Variants in SMG6 observed in about 807,000 individuals in gnomAD.
The protein encoded by SMG6 is telomerase-binding protein EST1A.
Under a neutral mutation model 142.2 loss-of-function variants are expected in SMG6, and 66 were observed. That is an observed-to-expected ratio of 0.46 (90% CI 0.38 to 0.57). SMG6 has a LOEUF of 0.57. SMG6 is among the 20% of genes least tolerant of loss of function. SMG6 has a pLI of 0.00. For synonymous variants in SMG6, 779 were observed against 702.4 expected (o/e 1.11, Z -1.72); for missense variants, 1,793 against 1,832.0 (o/e 0.98, Z 0.39).
At chr17:2,107,389 C>T (rs1339746248) in intron 13 of SMG6, among the ~76,000 whole-genome samples, 1 of 152,194 alleles carries the variant, frequency 6.6e-6, no homozygotes, top group Non-Finnish European at 1.5e-5. Flanking sequence ...CTACGAAGTA[C>T]TATGTCTTCT....
intron 13 of SMG6, among the ~76,000 whole-genome samples, chr17:2,142,888 C>CAA (rs1164289108): frequency 2.4e-3 from 128 of 52,338 alleles, no homozygotes; most frequent in Non-Finnish European, 3.2e-3. Flanking sequence ...AACACTGTCT[C>CAA]AAAAAAAAAA....
intron 9 of SMG6, chr17:2,240,132 C>T (rs1360682695): frequency 6.6e-6 from 1 of 152,222 alleles, no homozygotes; most frequent in Non-Finnish European, 1.5e-5. Context: ...TCCTTTAAAA[C>T]CTCAGAAGAT....
chr17:2,139,917 G>A (rs1307748651), intron 13 of SMG6, among the ~76,000 whole-genome samples: 1 of 151,858 alleles, frequency 6.6e-6, no homozygotes, highest in East Asian at 1.9e-4. Context: ...GTAGAGATGG[G>A]ATTTCACCAT....
At chr17:2,189,845 A>C (rs184106295) in intron 10 of SMG6, among the ~76,000 whole-genome samples, 80 of 147,174 alleles carry the variant, frequency 5.4e-4, no homozygotes, top group African/African-American at 2.2e-3. Flanking sequence ...AACGAATAGC[A>C]TCCAGGGTAG....
At chr17:2,133,389 T>G (rs2070188618) in intron 13 of SMG6, among the ~76,000 whole-genome samples, 1 of 152,200 alleles carries the variant, frequency 6.6e-6, no homozygotes, top group South Asian at 2.1e-4. Flanking sequence ...AATGGCAGCC[T>G]TCATAACAAG....
At chr17:2,072,957 C>T (rs2068146895) in intron 15 of SMG6, 1 of 152,216 alleles carries the variant, frequency 6.6e-6, no homozygotes, top group South Asian at 2.1e-4. Flanking sequence ...TCCTTTCTTC[C>T]TTCCTAACTC....
intron 8 of SMG6, among the ~76,000 whole-genome samples, chr17:2,261,313 CA>C (rs58928595): frequency 0.46 from 61,183 of 134,124 alleles, 13,416 homozygotes; most frequent in African/African-American, 0.62. Context: ...GACTCCGTCT[CA>C]AAAAAAAAAA....
In SMG6 at chr17:2,138,353, T is replaced by C. The variant is rs188470558; in HGVS notation, c.3357+34305A>G. On this transcript the variant is annotated intron_variant, in intron 13 of 18. Coordinates refer to ENST00000263073, the MANE Select transcript of SMG6 (RefSeq NM_017575.5). ...CTACAGGAAGTTTATCCCTGACATC[T>C]AAATAGTCATGTTTTAAAATCAACA... 1.9e-3 allele frequency among the ~76,000 whole-genome samples: 289 copies of C among 152,278 alleles called. 2 individuals are homozygous for C. The highest frequency in any genetic ancestry group is 5.9e-3 in the African/African-American group (245 of 41,566).
intron 2 of SMG6, 29 bp downstream of exon 2, chr17:2,298,877 C>G: frequency 6.3e-7 from 1 of 1,580,758 alleles, no homozygotes; most frequent in Non-Finnish European, 8.6e-7. Context: ...ATCCCCATTT[C>G]CCTCCAGCCA....
At chr17:2,278,907 T>C (rs775067074) in intron 8 of SMG6, among the ~76,000 whole-genome samples, 4 of 152,224 alleles carry the variant, frequency 2.6e-5, no homozygotes, top group Non-Finnish European at 4.4e-5. Flanking sequence ...TTCTCTAGCC[T>C]CATCCCTCGC....
At chr17:2,080,585 G>A (rs890352204) in intron 15 of SMG6, among the ~76,000 whole-genome samples, 1 of 152,004 alleles carries the variant, frequency 6.6e-6, no homozygotes, top group Non-Finnish European at 1.5e-5. Flanking sequence ...ACTGTCTCGT[G>A]TAGGCCTCAC....
At chr17:2,109,043 A>G (rs2069234708) in intron 13 of SMG6, among the ~76,000 whole-genome samples, 1 of 152,248 alleles carries the variant, frequency 6.6e-6, no homozygotes, top group South Asian at 2.1e-4. Flanking sequence ...CCCCAGAGAC[A>G]ATACATTAAT....
intron 13 of SMG6, chr17:2,117,477 A>G (rs1431544454): frequency 6.6e-6 from 1 of 152,214 alleles, no homozygotes. Context: ...ACATCAATAT[A>G]CAAAAGTCAA....
At chr17:2,289,408 T>C (rs2151390039) in intron 6 of SMG6, among the ~76,000 whole-genome samples, 1 of 151,684 alleles carries the variant, frequency 6.6e-6, no homozygotes, top group East Asian at 1.9e-4. Flanking sequence ...AATCAAAATA[T>C]TACCTGGGTA....
chr17:2,230,319 AAAAAAAAAAAAAAAAAAG>A (rs777587360), intron 10 of SMG6, among the ~76,000 whole-genome samples: 3,250 of 119,888 alleles, frequency 0.027, 201 homozygotes, highest in South Asian at 0.073. Flanking sequence ...AAAAAAAAAA[AAAAAAAAAAAAAAAAAAG>A]GGAAAACCAC....
At chr17:2,073,176 C>T (rs1361112334) in intron 15 of SMG6, among the ~76,000 whole-genome samples, 3 of 151,960 alleles carry the variant, frequency 2.0e-5, no homozygotes, top group Admixed American at 6.6e-5. Context: ...CTCTGCCTCT[C>T]AGATTCAAGC....
At chr17:2,284,992 G>C (rs2074872909) in intron 6 of SMG6, among the ~76,000 whole-genome samples, 1 of 151,980 alleles carries the variant, frequency 6.6e-6, no homozygotes, top group Admixed American at 6.6e-5. Flanking sequence ...TTCCAAAACA[G>C]AGATACAACT....
intron 13 of SMG6, among the ~76,000 whole-genome samples, chr17:2,121,587 C>CTGTGTGTGTGTGTGTGTGTGTGTGTGTG (rs71150850): frequency 1.4e-5 from 2 of 139,776 alleles, no homozygotes; most frequent in African/African-American, 5.3e-5. Flanking sequence ...ACATGTCTGT[C>CTGTGTGTGTGTGTGTGTGTGTGTGTGTG]TGTGTGTGTG....
chr17:2,074,059 G>A (rs941959147), intron 15 of SMG6, among the ~76,000 whole-genome samples: 1 of 152,050 alleles, frequency 6.6e-6, no homozygotes, highest in Non-Finnish European at 1.5e-5. Flanking sequence ...ATCCAGCCTG[G>A]GTGATAAGAG....
Sources: allele counts gnomAD v4.1 joint callset (sites outside exome capture counted in the v4.1 genomes callset), GRCh38; gene constraint gnomAD v4.1.1; transcripts MANE v1.5; gene names NCBI Gene and HGNC (gene_info 2026-07-23, HGNC 2026-07-21).